SH3KBP1: variants seen among roughly 807,000 people sequenced by gnomAD.
SH3KBP1 encodes the protein SH3 domain-containing kinase-binding protein 1.
Under a neutral mutation model 50.1 loss-of-function variants are expected in SH3KBP1, and 8 were observed. That is an observed-to-expected ratio of 0.16 (90% CI 0.09 to 0.29). The LOEUF is 0.29. Among genes scored for constraint, SH3KBP1 ranks in the 10% least tolerant of loss-of-function variants. The probability of loss-of-function intolerance (pLI) is 1.00; values close to 1 mark genes in which losing one functional copy is unlikely to be tolerated. For missense variants in SH3KBP1, 377 were observed against 535.2 expected (o/e 0.70, Z 2.92); for synonymous variants, 227 against 218.6 (o/e 1.04, Z -0.34).
At chrX:19,620,868 T>C (rs2067790169) in intron 8 of SH3KBP1, among the ~76,000 whole-genome samples, 1 of 111,419 alleles carries the variant, frequency 9.0e-6, no homozygotes, top group Admixed American at 9.6e-5. Context: ...ATTTGGCAAG[T>C]TTTTTCTTTT....
intron 8 of SH3KBP1, among the ~76,000 whole-genome samples, chrX:19,621,542 A>G (rs964718921): frequency 6.3e-5 from 7 of 111,596 alleles, no homozygotes; most frequent in Non-Finnish European, 3.8e-5. Flanking sequence ...CTAGCCTGCC[A>G]CCTATTTCTC....
chrX:19,780,280 G>C (rs1350102138), intron 2 of SH3KBP1, among the ~76,000 whole-genome samples: 1 of 98,026 alleles, frequency 1.0e-5, no homozygotes, highest in East Asian at 3.3e-4. Flanking sequence ...CCCACTTTTT[G>C]ATGGGGTTGT....
chrX:19,828,519 C>T (rs950416310), intron 2 of SH3KBP1, among the ~76,000 whole-genome samples: 10 of 111,592 alleles, frequency 9.0e-5, no homozygotes, highest in Non-Finnish European at 1.7e-4. Flanking sequence ...CGGTGGCCCA[C>T]GCCTGTAATC....
intron 14 of SH3KBP1, among the ~76,000 whole-genome samples, 156 bp from the exon 15 acceptor site, chrX:19,546,206 C>T (rs756706829): frequency 1.5e-4 from 17 of 112,430 alleles, no homozygotes; most frequent in East Asian, 2.8e-4. Context: ...GTTATGCACG[C>T]GCTCAAGTCA....
At chrX:19,779,666 G>C (rs1183362788) in intron 2 of SH3KBP1, among the ~76,000 whole-genome samples, 1 of 101,543 alleles carries the variant, frequency 9.8e-6, no homozygotes, top group Non-Finnish European at 2.0e-5. Flanking sequence ...CTATGAGTGA[G>C]AATATGCAGT....
rs191641797 is a variant in SH3KBP1, at chrX:19,679,318, A to G, written c.726+4505T>C. Among the ~76,000 whole-genome samples, 379 of 112,188 alleles carry G rather than the reference A, an allele frequency of 3.4e-3. 2 individuals are homozygous for G. The highest frequency in any genetic ancestry group is 4.6e-3 in the Non-Finnish European group (245 of 53,222). Reference sequence around the variant, plus strand: ...TCCTCAGTACTGAGCATATTTAGTGAGCACTCAATACATGCTAGTTGAAAT... The same window carrying G: ...TCCTCAGTACTGAGCATATTTAGTGGGCACTCAATACATGCTAGTTGAAAT... On this transcript the variant is annotated intron_variant, in intron 6 of 17. Transcript: ENST00000397821.
intron 7 of SH3KBP1, among the ~76,000 whole-genome samples, chrX:19,639,198 A>G (rs2061792751): frequency 9.0e-6 from 1 of 111,718 alleles, no homozygotes; most frequent in Non-Finnish European, 1.9e-5. Context: ...GTCAACGCCA[A>G]CCCAGTGTCT....
At chrX:19,549,541 G>A (rs1227841363) in intron 14 of SH3KBP1, among the ~76,000 whole-genome samples, 1 of 111,532 alleles carries the variant, frequency 9.0e-6, no homozygotes, top group Non-Finnish European at 1.9e-5. Flanking sequence ...TACAGGCAAC[G>A]GGGATTTGAG....
At chrX:19,670,738 A>AC in intron 6 of SH3KBP1, 2 of 718,577 alleles carry the variant, frequency 2.8e-6, no homozygotes, top group African/African-American at 2.3e-5. Context: ...TGGCACACAC[A>AC]TTGTTTCAAC....
At chrX:19,553,935 A>G (rs2065329349) in intron 13 of SH3KBP1, among the ~76,000 whole-genome samples, 1 of 69,857 alleles carries the variant, frequency 1.4e-5, no homozygotes, top group Non-Finnish European at 2.4e-5. Flanking sequence ...TAAAATATAT[A>G]ATATATAATA....
chrX:19,817,345 G>T (rs1398648800), intron 2 of SH3KBP1, among the ~76,000 whole-genome samples: 1 of 111,856 alleles, frequency 8.9e-6, no homozygotes, highest in Non-Finnish European at 1.9e-5. Flanking sequence ...GATAGAAATT[G>T]CATTAGATCT....
At chrX:19,573,667 T>G (rs1395584958) in intron 12 of SH3KBP1, among the ~76,000 whole-genome samples, 1 of 111,632 alleles carries the variant, frequency 9.0e-6, no homozygotes, top group African/African-American at 3.3e-5. Context: ...TCTCCAATAG[T>G]ATTACCAAGG....
intron 6 of SH3KBP1, among the ~76,000 whole-genome samples, chrX:19,667,812 ATTTTTTTTT>A (rs779927127): frequency 1.8e-5 from 1 of 55,848 alleles, no homozygotes; most frequent in Non-Finnish European, 3.0e-5. Context: ...TTCTGTTGGG[ATTTTTTTTT>A]TTTTTTTTTT....
chrX:19,656,120 G>A (rs766613895), intron 6 of SH3KBP1, among the ~76,000 whole-genome samples: 5 of 111,371 alleles, frequency 4.5e-5, no homozygotes, highest in East Asian at 2.8e-4. Flanking sequence ...GCAGGGATTC[G>A]CAGTGGGAGT....
intron 3 of SH3KBP1, among the ~76,000 whole-genome samples, chrX:19,708,147 A>G (rs1415748996): frequency 8.9e-6 from 1 of 112,924 alleles, no homozygotes; most frequent in Admixed American, 9.3e-5. Flanking sequence ...TAAGGCCCCA[A>G]TGCAGGATGA....
chrX:19,818,041 T>A (rs2067412591), intron 2 of SH3KBP1, among the ~76,000 whole-genome samples: 1 of 112,259 alleles, frequency 8.9e-6, no homozygotes, highest in African/African-American at 3.2e-5. Context: ...CCATACAATA[T>A]GGCTAGGTGT....
At chrX:19,600,484 A>G (rs1355968340) in intron 9 of SH3KBP1, among the ~76,000 whole-genome samples, 1 of 112,511 alleles carries the variant, frequency 8.9e-6, no homozygotes, top group East Asian at 2.8e-4. Context: ...TTCTCCAGCA[A>G]AATGTGACAG....
Position 19,633,920 on chromosome X carries a change from C to T in SH3KBP1, c.803-1962G>A, listed in dbSNP as rs767665013. 9.9e-5 allele frequency among the ~76,000 whole-genome samples: 11 copies of T among 111,081 alleles called. No homozygotes were observed. The East Asian group carries it at 3.1e-3, about 31-fold the overall frequency. On this transcript the variant is annotated intron_variant, in intron 7 of 17. Transcript: ENST00000397821. ...GTCCAGGCAAATAATGTTAATCTCACTCTCTTTTGTTGGTGACTGGTTTAG... is the reference window on the plus strand; with the variant it reads ...GTCCAGGCAAATAATGTTAATCTCATTCTCTTTTGTTGGTGACTGGTTTAG...
chrX:19,684,056 A>G lies in SH3KBP1; in HGVS notation c.521-28T>C, dbSNP rs754102606. The G allele has an allele frequency of 2.6e-6, 3 of 1,149,811 alleles. No homozygotes were observed. In the Admixed American group the frequency reaches 6.6e-5, roughly 25 times the overall value. The allele number at this position is 1,149,811 out of a possible 1,213,427, so 94.8% of individuals were successfully genotyped here. A position where few individuals can be genotyped will look rare whatever the true frequency, so the allele number is the denominator to read the frequency against. On this transcript the variant is annotated intron_variant, in intron 5 of 17. Transcript: ENST00000397821. ...GTCAAGAGTGGGGATGGGGAGAGAA[A>G]GAGCTCAGAAATCAGCCAGAGCCCT...
Sources: allele counts gnomAD v4.1 joint callset (sites outside exome capture counted in the v4.1 genomes callset), GRCh38; gene constraint gnomAD v4.1.1; transcripts MANE v1.5; gene names NCBI Gene and HGNC (gene_info 2026-07-23, HGNC 2026-07-21).